Variants in ERAP1 observed in about 807,000 individuals in gnomAD.
The protein encoded by ERAP1 is endoplasmic reticulum aminopeptidase 1.
A neutral mutation model predicts 103.7 loss-of-function variants in ERAP1; 86 were observed. The ratio of observed to expected loss-of-function variants is 0.83; its 90% CI spans 0.70 to 0.99. The LOEUF is 0.99. ERAP1 is among the 50% of genes least tolerant of loss of function. The pLI, the probability that ERAP1 is intolerant of heterozygous loss-of-function variation, is 0.00. For missense variants in ERAP1, 1,009 were observed against 1,128.4 expected, an observed-to-expected ratio of 0.89 and a Z score of 1.52; for synonymous variants, 398 against 402.4, an observed-to-expected ratio of 0.99 and a Z score of 0.13.
At chr5:96,788,047 G>A (rs1298889741) in intron 11 of ERAP1, among the ~76,000 whole-genome samples, 1 of 152,032 alleles carries the variant, frequency 6.6e-6, no homozygotes, top group African/African-American at 2.4e-5. Context: ...ATCCATCCAG[G>A]GTCAATCAAG....
chr5:96,771,550 A>G, downstream of ERAP1: 1 of 835,348 alleles, frequency 1.2e-6, no homozygotes, highest in East Asian at 2.6e-5. Context: ...TTCCCCACTG[A>G]CTGCCATCTT....
At chr5:96,891,086 C>T in the ERAP1 span, among the ~76,000 whole-genome samples, 34 of 152,064 alleles carry the variant, frequency 2.2e-4, no homozygotes, top group Admixed American at 4.6e-4. Flanking sequence ...TTTATTAGCG[C>T]TAATTTAGTT....
At position 96,803,741 on chromosome 5, in the gene ERAP1, A is replaced by G; in HGVS notation, c.186T>C (p.His62=). ...IRLPEYVIPV[H]YDLLIHANLT... ...GGTTTGCATGGATCAAGAGATCATA[A>G]TGAACTGGGATGACGTACTCAGGAA... The change falls in exon 2 of 19, where the codon CAT becomes CAC. Residue 62 remains histidine, a synonymous_variant. Transcript: ENST00000443439. 3 of 1,614,200 alleles carry G rather than the reference A, an allele frequency of 1.9e-6. No individual in the cohort carries two copies. The highest frequency in any genetic ancestry group is 2.5e-6 in the Non-Finnish European group (3 of 1,180,038).
At chr5:96,845,475 T>G in the ERAP1 span, among the ~76,000 whole-genome samples, 1 of 152,184 alleles carries the variant, frequency 6.6e-6, no homozygotes, top group South Asian at 2.1e-4. Flanking sequence ...CCTCAAGTGA[T>G]CTGCCCACCT....
chr5:96,914,991 G>A, the ERAP1 span, among the ~76,000 whole-genome samples: 1 of 151,540 alleles, frequency 6.6e-6, no homozygotes, highest in Non-Finnish European at 1.5e-5. Flanking sequence ...CTTAACATAT[G>A]CATATAATTT....
At chr5:96,911,971 C>T in the ERAP1 span, among the ~76,000 whole-genome samples, 5 of 150,350 alleles carry the variant, frequency 3.3e-5, no homozygotes, top group South Asian at 2.1e-4. Flanking sequence ...GGGCGGATCA[C>T]GAGGTCAGGA....
the ERAP1 span, chr5:96,903,296 T>C: frequency 5.4e-6 from 6 of 1,116,732 alleles, no homozygotes; most frequent in African/African-American, 6.3e-5. Context: ...TATAAGTAAT[T>C]TGATTAAAAA....
the ERAP1 span, among the ~76,000 whole-genome samples, chr5:96,932,993 T>A: frequency 6.6e-6 from 1 of 152,076 alleles, no homozygotes; most frequent in African/African-American, 2.4e-5. Context: ...AAAGAGGAAG[T>A]TCTGTGTGGG....
intron 15 of ERAP1, 43 bp from the exon 16 acceptor site, chr5:96,781,897 A>G: frequency 6.2e-7 from 1 of 1,603,568 alleles, no homozygotes; most frequent in Non-Finnish European, 8.5e-7. Context: ...AGGTGCAGTA[A>G]GTATGTTTAG....
chr5:96,863,003 T>A, the ERAP1 span, among the ~76,000 whole-genome samples: 1 of 152,234 alleles, frequency 6.6e-6, no homozygotes, highest in African/African-American at 2.4e-5. Context: ...GTGGCACACT[T>A]GCCATGTTAA....
At chr5:96,801,931 G>A (rs182792503) in intron 2 of ERAP1, among the ~76,000 whole-genome samples, 293 of 148,942 alleles carry the variant, frequency 2.0e-3, no homozygotes, top group Non-Finnish European at 2.6e-3. Context: ...TCATTAACAG[G>A]CAATTCATAA....
the ERAP1 span, among the ~76,000 whole-genome samples, chr5:96,856,349 A>AAAATAT: frequency 1.2e-4 from 1 of 8,536 alleles, no homozygotes; most frequent in African/African-American, 3.6e-4. Context: ...AAAAAAAAAA[A>AAAATAT]ATATATATAT....
chr5:96,914,190 T>C, the ERAP1 span, among the ~76,000 whole-genome samples: 1 of 144,778 alleles, frequency 6.9e-6, no homozygotes, highest in Non-Finnish European at 1.5e-5. Flanking sequence ...CTATAAGGCA[T>C]TCAGCCATTC....
At chr5:96,914,411 GC>G in the ERAP1 span, among the ~76,000 whole-genome samples, 1 of 152,122 alleles carries the variant, frequency 6.6e-6, no homozygotes, top group East Asian at 1.9e-4. Flanking sequence ...TCTCCCAAAT[GC>G]TCAAGGAGTT....
chr5:96,911,080 T>C, the ERAP1 span, among the ~76,000 whole-genome samples: 1 of 152,332 alleles, frequency 6.6e-6, no homozygotes, highest in Admixed American at 6.5e-5. Context: ...ATAGAGGAAG[T>C]AGCCAAAGCA....
At chr5:96,785,451 G>A (rs936064487) in intron 13 of ERAP1, 25 of 362,336 alleles carry the variant, frequency 6.9e-5, no homozygotes, top group Non-Finnish European at 1.2e-4. Context: ...CCGGTATAGC[G>A]GGGCCAGAAG....
intron 19 of ERAP1, chr5:96,766,280 C>T: frequency 5.2e-6 from 3 of 574,042 alleles, no homozygotes; most frequent in East Asian, 2.9e-5. Flanking sequence ...TCTAATGTGT[C>T]ACCAAAGCCG....
the ERAP1 span, among the ~76,000 whole-genome samples, chr5:96,813,559 A>AG: frequency 2.8e-5 from 4 of 140,924 alleles, no homozygotes; most frequent in Non-Finnish European, 4.6e-5. Flanking sequence ...AGGCTGAGGC[A>AG]GGGGAATCCC....
At chr5:96,765,667 C>T (rs970338170) in intron 19 of ERAP1, among the ~76,000 whole-genome samples, 6 of 152,096 alleles carry the variant, frequency 3.9e-5, no homozygotes, top group African/African-American at 1.4e-4. Context: ...AATGTGACCT[C>T]TCTAAATGGC....
Sources: gnomAD v4.1 joint callset for allele counts (sites outside exome capture counted in the v4.1 genomes callset) on GRCh38, gnomAD v4.1.1 for gene constraint, MANE v1.5 for transcripts, NCBI Gene and HGNC (gene_info 2026-07-23, HGNC 2026-07-21) for gene names.